The following THSD4 variants were observed in gnomAD, a reference collection of about 807,000 sequenced individuals.
THSD4 encodes the protein thrombospondin type-1 domain-containing protein 4.
In THSD4, 69 loss-of-function variants were observed where a neutral mutation model predicts 119.0. That is an observed-to-expected ratio of 0.58 (90% CI 0.48 to 0.71). The LOEUF (loss-of-function observed/expected upper bound fraction) is 0.71. Ranked by LOEUF, THSD4 falls within the 30% of genes least tolerant of loss-of-function variation. The pLI is 0.00. For missense variants in THSD4, 1,393 were observed against 1,391.1 expected (o/e 1.00, Z -0.02); for synonymous variants, 524 against 540.4 (o/e 0.97, Z 0.42).
intron 8 of THSD4, among the ~76,000 whole-genome samples, chr15:71,709,281 G>A (rs909784807): frequency 2.6e-5 from 4 of 152,210 alleles, no homozygotes; most frequent in African/African-American, 2.4e-5. Context: ...TTTTCTGGTT[G>A]TCGTTAGGCC....
At chr15:71,479,180 CTTTTTTTTT>C (rs5813637) in intron 7 of THSD4, among the ~76,000 whole-genome samples, 1 of 80,138 alleles carries the variant, frequency 1.2e-5, no homozygotes, top group African/African-American at 5.1e-5. Flanking sequence ...TTTCTTCTGC[CTTTTTTTTT>C]TTTTTTTTTT....
chr15:71,215,191 CG>C lies in THSD4; in HGVS notation c.257del (p.Arg86ProfsTer162). On this transcript the variant is annotated frameshift_variant, in exon 4 of 18. Transcript: ENST00000261862. LOFTEE classifies it high-confidence loss of function. ...QTRPCLPRSY[R>X]LRGGQRPGAP... The stretch of plus-strand genomic sequence containing the variant: ...GCGGCCCTGCCTGCCCCGCTCCTAC[CG>C]CCTGCGCGGCGGCCAGCGGCCTGGC... 1 of 1,361,134 alleles carries C rather than the reference CG, an allele frequency of 7.3e-7. No individual in the cohort carries two copies. Among genetic ancestry groups the C allele is most frequent in the South Asian group, 1.7e-5 (1 of 58,998 alleles). 84.3% of individuals were successfully genotyped at this position (1,361,134 alleles called of 1,614,324 possible).
chr15:71,611,307 G>T (rs1344640848), intron 7 of THSD4, among the ~76,000 whole-genome samples: 1 of 152,184 alleles, frequency 6.6e-6, no homozygotes, highest in Admixed American at 6.5e-5. Flanking sequence ...GGCATTTGGA[G>T]GGTCTTGAGT....
At chr15:71,762,914 T>C (rs967968311) in intron 15 of THSD4, among the ~76,000 whole-genome samples, 5 of 151,826 alleles carry the variant, frequency 3.3e-5, no homozygotes, top group African/African-American at 4.8e-5. Context: ...CTACTAAAAA[T>C]ACAAAAATTA....
At chr15:71,239,409 T>C (rs769845015) in intron 4 of THSD4, among the ~76,000 whole-genome samples, 7 of 152,116 alleles carry the variant, frequency 4.6e-5, no homozygotes, top group Non-Finnish European at 8.8e-5. Flanking sequence ...CATACAAAGA[T>C]TGGGTAACTT....
chr15:71,671,602 T>C (rs1308762403), intron 8 of THSD4, among the ~76,000 whole-genome samples: 1 of 152,196 alleles, frequency 6.6e-6, no homozygotes, highest in African/African-American at 2.4e-5. Flanking sequence ...TCTTCTAGGG[T>C]TTTTATGGTT....
chr15:71,450,768 A>G (rs1478154734), intron 7 of THSD4, among the ~76,000 whole-genome samples: 1 of 152,228 alleles, frequency 6.6e-6, no homozygotes, highest in Non-Finnish European at 1.5e-5. Flanking sequence ...ACAGATTAAC[A>G]GGAGGAAAGC....
intron 6 of THSD4, among the ~76,000 whole-genome samples, chr15:71,257,003 A>C (rs534728211): frequency 6.6e-6 from 1 of 152,266 alleles, no homozygotes; most frequent in African/African-American, 2.4e-5. Context: ...GGTTCAAGGA[A>C]TCAGTTGGAG....
intron 6 of THSD4, among the ~76,000 whole-genome samples, chr15:71,377,372 G>T (rs1002000372): frequency 9.2e-5 from 14 of 152,128 alleles, no homozygotes; most frequent in Non-Finnish European, 2.1e-4. Flanking sequence ...CAGGAATGTG[G>T]GTGTTCCCCA....
At chr15:71,407,558 A>G (rs1350350555) in intron 6 of THSD4, among the ~76,000 whole-genome samples, 1 of 150,010 alleles carries the variant, frequency 6.7e-6, no homozygotes, top group East Asian at 2.0e-4. Context: ...TAGTTGCTTT[A>G]CTCTTAGTAA....
intron 6 of THSD4, among the ~76,000 whole-genome samples, chr15:71,389,815 T>TTTTTTTG (rs1168773543): frequency 1.6e-5 from 2 of 127,156 alleles, no homozygotes; most frequent in African/African-American, 5.8e-5. Context: ...GGGTTGTTTT[T>TTTTTTTG]TTTTTTTTTT....
intron 6 of THSD4, among the ~76,000 whole-genome samples, chr15:71,369,431 CTCT>C: frequency 6.6e-6 from 1 of 152,242 alleles, no homozygotes; most frequent in African/African-American, 2.4e-5. Flanking sequence ...TCATGGATAG[CTCT>C]TATTATTTTG....
chr15:71,168,110 A>G (rs533571810), intron 3 of THSD4, among the ~76,000 whole-genome samples: 188 of 152,362 alleles, frequency 1.2e-3, no homozygotes, highest in African/African-American at 4.2e-3. Context: ...TTAATTAAAG[A>G]TACTTGGCAA....
At chr15:71,662,781 A>G (rs536778199) in intron 8 of THSD4, among the ~76,000 whole-genome samples, 2 of 152,326 alleles carry the variant, frequency 1.3e-5, no homozygotes, top group East Asian at 1.9e-4. Context: ...ATGCGATTCA[A>G]TAGGATACAG....
rs988249853 is a variant in THSD4, at chr15:71,731,251, G to T, written c.1630+34G>T. On this transcript the variant is annotated intron_variant, in intron 10 of 17. Transcript: ENST00000261862. ...CCTTGTCTTGTGGCCGGGGACTCTG[G>T]TCATTTCCTTGTAAAGCCTTCTCTC... 6.3e-6 allele frequency: 10 copies of T among 1,592,646 alleles called. No individual in the cohort carries two copies. The African/African-American group carries it at 1.2e-4, about 19-fold the overall frequency.
At chr15:71,157,679 C>CTT (rs60477136) in intron 3 of THSD4, among the ~76,000 whole-genome samples, 2 of 51,612 alleles carry the variant, frequency 3.9e-5, no homozygotes, top group South Asian at 7.5e-4. Flanking sequence ...TATATCAACT[C>CTT]TTTTTTTTTT....
chr15:71,715,812 T>A (rs960921506), intron 8 of THSD4, among the ~76,000 whole-genome samples: 1 of 151,784 alleles, frequency 6.6e-6, no homozygotes, highest in African/African-American at 2.4e-5. Flanking sequence ...ATAGGTCTAT[T>A]TAACACTGGC....
At chr15:71,257,225 T>A (rs146299257) in intron 6 of THSD4, among the ~76,000 whole-genome samples, 5 of 152,318 alleles carry the variant, frequency 3.3e-5, no homozygotes, top group South Asian at 4.1e-4. Context: ...CATTTCCAGA[T>A]GACAGAAGAT....
rs1555431559 is a variant in THSD4, at chr15:71,608,237, A to AATATAT, written c.1153-52285_1153-52280dup. ...AACTCTGTCTCAAAAAAAAAAAAAA[A>AATATAT]ATATATATATATACACACACACACA... On this transcript the variant is annotated intron_variant, in intron 7 of 17. Transcript: ENST00000261862. Among the ~76,000 whole-genome samples, 154 of 111,588 alleles carry AATATAT rather than the reference A, an allele frequency of 1.4e-3. 3 individuals are homozygous for AATATAT. The highest frequency in any genetic ancestry group is 4.1e-3 in the African/African-American group (124 of 30,212). 73.2% of individuals were successfully genotyped at this position (111,588 alleles called of 152,430 possible). A position where few individuals can be genotyped will look rare whatever the true frequency, so the allele number is the denominator to read the frequency against.
Sources: allele counts gnomAD v4.1 joint callset (sites outside exome capture counted in the v4.1 genomes callset), GRCh38; gene constraint gnomAD v4.1.1; transcripts MANE v1.5; gene names NCBI Gene and HGNC (gene_info 2026-07-23, HGNC 2026-07-21).